ITGB3: variants seen among roughly 807,000 people sequenced by gnomAD.
ITGB3 encodes integrin subunit beta 3.
Under a neutral mutation model 85.8 loss-of-function variants are expected in ITGB3, and 48 were observed. That is an observed-to-expected ratio of 0.56 (90% CI 0.44 to 0.71). The LOEUF is 0.71. ITGB3 is among the 30% of genes least tolerant of loss of function. The probability of loss-of-function intolerance (pLI) is 0.00; values close to 1 mark genes in which losing one functional copy is unlikely to be tolerated. For missense variants in ITGB3, 861 were observed against 1,019.1 expected (o/e 0.84, Z 2.11); for synonymous variants, 363 against 395.6 (o/e 0.92, Z 0.98).
chr17:47,278,084 C>T (rs929266141), intron 2 of ITGB3, among the ~76,000 whole-genome samples: 20 of 152,190 alleles, frequency 1.3e-4, no homozygotes, highest in Admixed American at 1.2e-3. Context: ...AAAAATGCTT[C>T]ATGTTCCTCC....
intron 1 of ITGB3, among the ~76,000 whole-genome samples, chr17:47,259,609 T>A (rs2065002086): frequency 6.6e-6 from 1 of 152,136 alleles, no homozygotes; most frequent in African/African-American, 2.4e-5. Flanking sequence ...ACAAATATTG[T>A]TATTTCTTGG....
chr17:47,277,721 A>T (rs1210878033), intron 2 of ITGB3, among the ~76,000 whole-genome samples: 1 of 152,186 alleles, frequency 6.6e-6, no homozygotes, highest in African/African-American at 2.4e-5. Flanking sequence ...ATTCTTATAT[A>T]AGCCTGAGTA....
intron 1 of ITGB3, among the ~76,000 whole-genome samples, chr17:47,255,160 G>A (rs2064984374): frequency 6.6e-6 from 1 of 151,604 alleles, no homozygotes; most frequent in Admixed American, 6.6e-5. Flanking sequence ...TGTATTTTTA[G>A]TAGAGACGCG....
chr17:47,301,556 T>C (rs921957169), intron 12 of ITGB3, among the ~76,000 whole-genome samples: 1 of 151,380 alleles, frequency 6.6e-6, no homozygotes, highest in Non-Finnish European at 1.5e-5. Flanking sequence ...TGCTGAGATA[T>C]TATTTTTACC....
chr17:47,283,038 G>C (rs895045463), intron 2 of ITGB3, among the ~76,000 whole-genome samples: 2 of 151,836 alleles, frequency 1.3e-5, no homozygotes, highest in Non-Finnish European at 2.9e-5. Flanking sequence ...CCATGAATAG[G>C]CCTTCTTGAT....
intron 1 of ITGB3, among the ~76,000 whole-genome samples, chr17:47,264,649 ACCT>A (rs1053064104): frequency 4.0e-5 from 6 of 150,920 alleles, no homozygotes; most frequent in African/African-American, 1.5e-4. Flanking sequence ...TGCTCCTCTA[ACCT>A]CCTCTGTGCT....
At chr17:47,300,368 T>TGTG in intron 11 of ITGB3, 110 bp from the exon 12 acceptor site, 15 of 777,982 alleles carry the variant, frequency 1.9e-5, no homozygotes, top group Non-Finnish European at 3.1e-5. Context: ...TGTGTGTGTG[T>TGTG]TTTAATGGAG....
At chr17:47,293,743 G>A (rs2065136055) in intron 10 of ITGB3, among the ~76,000 whole-genome samples, 1 of 152,142 alleles carries the variant, frequency 6.6e-6, no homozygotes, top group Non-Finnish European at 1.5e-5. Context: ...GAGTAGTTGG[G>A]ACTATAGGCA....
chr17:47,291,454 C>T (rs540397850), intron 9 of ITGB3: 19 of 460,284 alleles, frequency 4.1e-5, no homozygotes, highest in Non-Finnish European at 6.5e-5. Flanking sequence ...TTTTGTAAAA[C>T]GACACAAGAA....
At chr17:47,310,057 C>T in intron 14 of ITGB3, 82 bp from the exon 15 acceptor site, 1 of 1,254,964 alleles carries the variant, frequency 8.0e-7, no homozygotes, top group South Asian at 1.2e-5. Flanking sequence ...CTTGGGAAAA[C>T]TTCTGAGATG....
intron 10 of ITGB3, among the ~76,000 whole-genome samples, chr17:47,293,788 A>T (rs996605001): frequency 2.6e-5 from 4 of 152,090 alleles, no homozygotes; most frequent in African/African-American, 9.7e-5. Context: ...TGGTATTTTT[A>T]GTAGAGATGG....
intron 10 of ITGB3, among the ~76,000 whole-genome samples, chr17:47,296,663 G>T (rs1181381797): frequency 1.3e-5 from 2 of 152,178 alleles, no homozygotes; most frequent in Non-Finnish European, 2.9e-5. Flanking sequence ...TGATATTTTT[G>T]ATTGTTATAA....
intron 1 of ITGB3, among the ~76,000 whole-genome samples, chr17:47,266,524 C>T (rs1426037337): frequency 6.6e-6 from 1 of 152,196 alleles, no homozygotes; most frequent in Admixed American, 6.5e-5. Context: ...CAGCCTTCTA[C>T]TTCTACTTTC....
At chr17:47,308,187 T>TAATAATAATAATAAA (rs1438857616) in intron 14 of ITGB3, among the ~76,000 whole-genome samples, 1 of 148,016 alleles carries the variant, frequency 6.8e-6, no homozygotes, top group South Asian at 2.1e-4. Context: ...ATAATAATAA[T>TAATAATAATAATAAA]AAAATAAAAT....
intron 1 of ITGB3, among the ~76,000 whole-genome samples, chr17:47,265,354 T>C (rs1312685343): frequency 6.6e-6 from 1 of 152,188 alleles, no homozygotes; most frequent in African/African-American, 2.4e-5. Flanking sequence ...AAATTTATTC[T>C]TGTTGGAAGC....
At chr17:47,308,117 G>T (rs1160151433) in intron 14 of ITGB3, among the ~76,000 whole-genome samples, 1 of 149,906 alleles carries the variant, frequency 6.7e-6, no homozygotes, top group Non-Finnish European at 1.5e-5. Context: ...AGTGAGCTGA[G>T]ATTGCACCCT....
chr17:47,260,874 C>T (rs2065006788), intron 1 of ITGB3, among the ~76,000 whole-genome samples: 1 of 151,552 alleles, frequency 6.6e-6, no homozygotes, highest in African/African-American at 2.4e-5. Flanking sequence ...TTATGATGTA[C>T]AACATGATGT....
intron 12 of ITGB3, among the ~76,000 whole-genome samples, chr17:47,302,173 G>C (rs2065169681): frequency 6.6e-6 from 1 of 152,082 alleles, no homozygotes; most frequent in African/African-American, 2.4e-5. Flanking sequence ...TCAGAGAAGA[G>C]AGGATAGCTC....
intron 6 of ITGB3, 46 bp downstream of exon 6, chr17:47,287,277 G>A: frequency 1.2e-6 from 2 of 1,606,978 alleles, no homozygotes; most frequent in Non-Finnish European, 1.7e-6. Context: ...TGATTGTGAG[G>A]GTTGCCCTAA....
Sources: gnomAD v4.1 joint callset for allele counts (sites outside exome capture counted in the v4.1 genomes callset) on GRCh38, gnomAD v4.1.1 for gene constraint, MANE v1.5 for transcripts, NCBI Gene and HGNC (gene_info 2026-07-23, HGNC 2026-07-21) for gene names.